PLCB4: variants seen among roughly 807,000 people sequenced by gnomAD.
The protein encoded by PLCB4 is 1-phosphatidylinositol 4,5-bisphosphate phosphodiesterase beta-4.
PLCB4 carries 77 observed loss-of-function variants against 178.8 expected under a neutral mutation model. That is an observed-to-expected ratio of 0.43 (90% CI 0.36 to 0.52). The LOEUF is 0.52. PLCB4 is among the 20% of genes least tolerant of loss of function. The pLI is 0.00. For missense variants in PLCB4, 1,024 were observed against 1,453.4 expected, an observed-to-expected ratio of 0.70 and a Z score of 4.80; for synonymous variants, 496 against 490.8, an observed-to-expected ratio of 1.01 and a Z score of -0.14.
chr20:9,384,059 C>A, intron 13 of PLCB4, 142 bp from the exon 14 acceptor site: 1 of 648,646 alleles, frequency 1.5e-6, no homozygotes, highest in Non-Finnish European at 2.8e-6. Context: ...CATTCAAGTT[C>A]TGACAGATGA....
At chr20:9,416,364 C>T (rs150056136) in intron 25 of PLCB4, among the ~76,000 whole-genome samples, 2 of 152,150 alleles carry the variant, frequency 1.3e-5, no homozygotes, top group Non-Finnish European at 2.9e-5. Flanking sequence ...CAAGGAGATT[C>T]AGAACTGGAA....
intron 3 of PLCB4, among the ~76,000 whole-genome samples, chr20:9,269,256 A>T (rs1341683819): frequency 6.6e-6 from 1 of 152,216 alleles, no homozygotes; most frequent in East Asian, 1.9e-4. Context: ...GTCTTCATTT[A>T]TCAGTGATGA....
chr20:9,477,695 C>G (rs532305472), intron 39 of PLCB4, among the ~76,000 whole-genome samples: 1 of 152,136 alleles, frequency 6.6e-6, no homozygotes, highest in Non-Finnish European at 1.5e-5. Context: ...CCAACCATCC[C>G]AAATTTACAC....
At chr20:9,255,889 G>A (rs2094229074) in intron 3 of PLCB4, among the ~76,000 whole-genome samples, 1 of 151,982 alleles carries the variant, frequency 6.6e-6, no homozygotes, top group Non-Finnish European at 1.5e-5. Context: ...CAACTGCCTA[G>A]ACTAAAAGGT....
At chr20:9,448,139 C>A (rs2042529141) in intron 32 of PLCB4, among the ~76,000 whole-genome samples, 1 of 152,138 alleles carries the variant, frequency 6.6e-6, no homozygotes, top group South Asian at 2.1e-4. Context: ...TTTTTACTAT[C>A]TTTTGAGCCC....
At chr20:9,074,969 C>T (rs577403583) in intron 1 of PLCB4, among the ~76,000 whole-genome samples, 1 of 152,138 alleles carries the variant, frequency 6.6e-6, no homozygotes, top group African/African-American at 2.4e-5. Flanking sequence ...TCGGAGAGTA[C>T]TCAACTTCTC....
intron 4 of PLCB4, 127 bp from the exon 5 acceptor site, chr20:9,336,999 A>G (rs2032558172): frequency 1.5e-6 from 1 of 658,712 alleles, no homozygotes; most frequent in Non-Finnish European, 2.8e-6. Context: ...CCATAATACA[A>G]TAAGAATTGT....
chr20:9,283,148 C>T (rs1390535902), intron 3 of PLCB4, among the ~76,000 whole-genome samples: 5 of 151,826 alleles, frequency 3.3e-5, no homozygotes, highest in Non-Finnish European at 5.9e-5. Flanking sequence ...GTAAATATAT[C>T]CCCCCAGAAG....
chr20:9,242,022 A>G (rs1045350217), intron 3 of PLCB4, among the ~76,000 whole-genome samples: 2 of 152,198 alleles, frequency 1.3e-5, no homozygotes, highest in Non-Finnish European at 2.9e-5. Flanking sequence ...CATCTGAACA[A>G]GGTTCCAAGA....
chr20:9,331,706 G>T (rs1268573729), intron 4 of PLCB4, among the ~76,000 whole-genome samples: 2 of 152,216 alleles, frequency 1.3e-5, no homozygotes, highest in Non-Finnish European at 2.9e-5. Flanking sequence ...AAAATAGGTT[G>T]TGATATTGAT....
At chr20:9,142,291 A>G (rs1261369143) in intron 2 of PLCB4, among the ~76,000 whole-genome samples, 1 of 152,128 alleles carries the variant, frequency 6.6e-6, no homozygotes, top group Non-Finnish European at 1.5e-5. Flanking sequence ...TGAGGAATAC[A>G]AAGAAGGAAG....
At chr20:9,107,977 C>T (rs6118496) in intron 2 of PLCB4, among the ~76,000 whole-genome samples, 11,089 of 151,930 alleles carry the variant, frequency 0.073, 931 homozygotes, top group East Asian at 0.32. Context: ...ATGGATTCCA[C>T]GTAAGGTATG....
chr20:9,468,492 C>T, intron 35 of PLCB4, 79 bp from the exon 36 acceptor site: 1 of 840,360 alleles, frequency 1.2e-6, no homozygotes, highest in East Asian at 2.4e-5. Context: ...TCTCATTTTC[C>T]CCAGGTGAAT....
At chr20:9,474,088 G>C (rs2044375864) in intron 38 of PLCB4, among the ~76,000 whole-genome samples, 1 of 152,004 alleles carries the variant, frequency 6.6e-6, no homozygotes, top group East Asian at 1.9e-4. Flanking sequence ...CTGGTGGCAT[G>C]CACCTGTAGT....
chr20:9,395,288 C>G (rs1379160522), intron 18 of PLCB4, among the ~76,000 whole-genome samples: 1 of 152,108 alleles, frequency 6.6e-6, no homozygotes, highest in Non-Finnish European at 1.5e-5. Context: ...CCCATGTCCC[C>G]GCAATTCTTC....
intron 2 of PLCB4, among the ~76,000 whole-genome samples, chr20:9,106,119 G>T (rs2091352624): frequency 6.6e-6 from 1 of 151,960 alleles, no homozygotes; most frequent in Non-Finnish European, 1.5e-5. Context: ...AACCTTATCA[G>T]CAAGATGAAC....
chr20:9,441,238 A>G (rs6056627), intron 30 of PLCB4, among the ~76,000 whole-genome samples: 98 of 152,198 alleles, frequency 6.4e-4, no homozygotes, highest in African/African-American at 2.2e-3. Flanking sequence ...TGTAAGTGAG[A>G]GGTCTGTTCT....
intron 1 of PLCB4, among the ~76,000 whole-genome samples, 171 bp downstream of exon 1, chr20:9,069,377 C>A (rs566636727): frequency 2.0e-5 from 3 of 152,210 alleles, no homozygotes; most frequent in East Asian, 3.9e-4. Flanking sequence ...GCGCGGGAGG[C>A]AGGGGACCCA....
chr20:9,220,718 C>CT, intron 3 of PLCB4, among the ~76,000 whole-genome samples: 1 of 152,300 alleles, frequency 6.6e-6, no homozygotes, highest in South Asian at 2.1e-4. Flanking sequence ...GTTGACTTTT[C>CT]TTTCATTTTG....
Sources: gnomAD v4.1 joint callset for allele counts (sites outside exome capture counted in the v4.1 genomes callset) on GRCh38, gnomAD v4.1.1 for gene constraint, MANE v1.5 for transcripts, NCBI Gene and HGNC (gene_info 2026-07-23, HGNC 2026-07-21) for gene names.